MIPOL1: variants seen among roughly 807,000 people sequenced by gnomAD.
The protein encoded by MIPOL1 is mirror-image polydactyly 1, also known as mirror-image polydactyly gene 1 protein.
MIPOL1 carries 57 observed loss-of-function variants against 60.9 expected under a neutral mutation model. That is an observed-to-expected ratio of 0.94 (90% confidence interval 0.76 to 1.17). The LOEUF is 1.17. Ranked by LOEUF, MIPOL1 falls within the 50% of genes most tolerant of loss-of-function variation. The pLI is 0.00. For missense variants in MIPOL1, 551 were observed against 511.6 expected (o/e 1.08, Z -0.74); for synonymous variants, 179 against 168.8 (o/e 1.06, Z -0.47).
chr14:37,201,185 A>G (rs1965280014), intron 1 of MIPOL1, among the ~76,000 whole-genome samples: 1 of 152,036 alleles, frequency 6.6e-6, no homozygotes, highest in African/African-American at 2.4e-5. Context: ...GATTACAGGC[A>G]CAAGCCACCA....
intron 9 of MIPOL1, among the ~76,000 whole-genome samples, chr14:37,335,084 C>T (rs1651701143): frequency 6.6e-6 from 1 of 152,032 alleles, no homozygotes; most frequent in Admixed American, 6.6e-5. Context: ...AACTACCAAA[C>T]TGTTTTCCAA....
At chr14:37,345,995 C>T (rs181995256) in intron 9 of MIPOL1, among the ~76,000 whole-genome samples, 1 of 152,240 alleles carries the variant, frequency 6.6e-6, no homozygotes, top group East Asian at 1.9e-4. Flanking sequence ...TAGCATTTGT[C>T]CTGTCTCTTT....
chr14:37,230,115 G>T (rs1251013333), intron 1 of MIPOL1, among the ~76,000 whole-genome samples: 3 of 152,150 alleles, frequency 2.0e-5, no homozygotes, highest in Admixed American at 6.5e-5. Context: ...ATGTTAATTA[G>T]CTTGATGCAC....
chr14:37,262,107 T>C (rs1364233577), intron 3 of MIPOL1, among the ~76,000 whole-genome samples: 1 of 152,034 alleles, frequency 6.6e-6, no homozygotes, highest in Non-Finnish European at 1.5e-5. Context: ...ACATATAATA[T>C]GCATCTCTGT....
At chr14:37,353,989 T>C (rs1376887688) in intron 9 of MIPOL1, among the ~76,000 whole-genome samples, 1 of 152,078 alleles carries the variant, frequency 6.6e-6, no homozygotes, top group Admixed American at 6.6e-5. Flanking sequence ...GTTTTTTTAA[T>C]TGTGATGTTA....
At chr14:37,484,408 G>A (rs1312967198) in intron 11 of MIPOL1, among the ~76,000 whole-genome samples, 1 of 147,406 alleles carries the variant, frequency 6.8e-6, no homozygotes, top group Non-Finnish European at 1.5e-5. Flanking sequence ...TGTAATCTTG[G>A]CTTACTGCAA....
chr14:37,475,851 G>T (rs2094765001), intron 11 of MIPOL1, among the ~76,000 whole-genome samples: 1 of 152,100 alleles, frequency 6.6e-6, no homozygotes, highest in Non-Finnish European at 1.5e-5. Flanking sequence ...TTGAAGTTAG[G>T]TGGTGTCAGT....
chr14:37,390,423 A>T (rs2093206074), intron 10 of MIPOL1, among the ~76,000 whole-genome samples: 1 of 152,158 alleles, frequency 6.6e-6, no homozygotes, highest in Admixed American at 6.6e-5. Context: ...ACACAAGAAG[A>T]TAAGACCACA....
intron 11 of MIPOL1, among the ~76,000 whole-genome samples, chr14:37,452,184 A>G (rs1275370244): frequency 1.3e-5 from 2 of 152,166 alleles, no homozygotes; most frequent in Non-Finnish European, 2.9e-5. Context: ...ATGGCTACTA[A>G]AAAGTCTCTC....
intron 10 of MIPOL1, among the ~76,000 whole-genome samples, chr14:37,385,201 G>T (rs1334819077): frequency 6.6e-6 from 1 of 151,970 alleles, no homozygotes; most frequent in East Asian, 1.9e-4. Context: ...TGTAAGGTTG[G>T]GGTGGTGGAA....
At chr14:37,205,467 TCA>T (rs931476028) in intron 1 of MIPOL1, among the ~76,000 whole-genome samples, 2 of 151,806 alleles carry the variant, frequency 1.3e-5, no homozygotes, top group Non-Finnish European at 2.9e-5. Flanking sequence ...TAAAACACAT[TCA>T]GTTTTTTTTT....
chr14:37,253,167 AAG>A (rs768340912), intron 3 of MIPOL1, among the ~76,000 whole-genome samples: 3 of 151,784 alleles, frequency 2.0e-5, no homozygotes, highest in Non-Finnish European at 4.4e-5. Flanking sequence ...TTAAAGTAGA[AAG>A]AAGACTGTGT....
At chr14:37,407,842 CTTCTT>C (rs1170813112) in intron 10 of MIPOL1, among the ~76,000 whole-genome samples, 2 of 58,062 alleles carry the variant, frequency 3.4e-5, no homozygotes, top group East Asian at 5.9e-4. Flanking sequence ...TCTTCTTCTT[CTTCTT>C]TTTTTTTTTT....
At chr14:37,240,709 A>G (rs1339983223) in intron 1 of MIPOL1, 1 of 152,100 alleles carries the variant, frequency 6.6e-6, no homozygotes, top group Non-Finnish European at 1.5e-5. Flanking sequence ...TAGTTTTACA[A>G]TTTTGCTTTT....
At position 37,550,581 on chromosome 14, in the gene MIPOL1, T is replaced by C. The variant is rs1181404231; in HGVS notation, c.*3610T>C. The C allele has an allele frequency of 6.6e-6, 1 of 152,344 alleles. No individual in the cohort carries two copies. Among genetic ancestry groups the C allele is most frequent in the Non-Finnish European group, 1.5e-5 (1 of 67,926 alleles). 9.4% of individuals were successfully genotyped at this position (152,344 alleles called of 1,614,324 possible). ...TTATAAGTGAACTGTTAGGCTCCAG[T>C]GATTTCAGTGTTTTGTTCATGTTTT... On this transcript the variant is annotated 3_prime_UTR_variant, in exon 13 of 13. Coordinates refer to ENST00000684589, the MANE Select transcript of MIPOL1 (RefSeq NM_001388067.1).
chr14:37,456,334 A>T (rs1248816585), intron 11 of MIPOL1, among the ~76,000 whole-genome samples: 1 of 152,118 alleles, frequency 6.6e-6, no homozygotes, highest in Non-Finnish European at 1.5e-5. Context: ...TCCATAGTAT[A>T]TTCCCCAGAT....
At chr14:37,263,991 C>T (rs1008878698) in intron 3 of MIPOL1, among the ~76,000 whole-genome samples, 1 of 152,074 alleles carries the variant, frequency 6.6e-6, no homozygotes, top group Non-Finnish European at 1.5e-5. Context: ...ATTTTATTGG[C>T]TTGTGTTTAT....
intron 11 of MIPOL1, among the ~76,000 whole-genome samples, chr14:37,498,325 A>T (rs1277511895): frequency 6.6e-6 from 1 of 152,226 alleles, no homozygotes; most frequent in Non-Finnish European, 1.5e-5. Flanking sequence ...GTAATTAACA[A>T]TTAAAATATA....
intron 9 of MIPOL1, 97 bp downstream of exon 9, chr14:37,308,616 C>T: frequency 1.2e-6 from 1 of 850,132 alleles, no homozygotes; most frequent in Non-Finnish European, 1.7e-6. Flanking sequence ...ATTCTTAATT[C>T]ACATTAATTT....
Sources: gnomAD v4.1 joint callset for allele counts (sites outside exome capture counted in the v4.1 genomes callset) on GRCh38, gnomAD v4.1.1 for gene constraint, MANE v1.5 for transcripts, NCBI Gene and HGNC (gene_info 2026-07-23, HGNC 2026-07-21) for gene names.